The following PPP2R3A variants were observed in gnomAD, a reference collection of about 807,000 sequenced individuals.
The protein encoded by PPP2R3A is protein phosphatase 2 regulatory subunit B''alpha, also known as serine/threonine-protein phosphatase 2A regulatory subunit B'' subunit alpha.
In PPP2R3A, 80 loss-of-function variants were observed where a neutral mutation model predicts 106.9. That is an observed-to-expected ratio of 0.75 (90% CI 0.62 to 0.90). PPP2R3A has a LOEUF of 0.90. PPP2R3A is among the 40% of genes least tolerant of loss of function. The pLI is 0.00. For missense variants in PPP2R3A, 1,386 were observed against 1,350.4 expected, an observed-to-expected ratio of 1.03 and a Z score of -0.41; for synonymous variants, 483 against 468.3, an observed-to-expected ratio of 1.03 and a Z score of -0.41.
At chr3:135,998,889 T>C (rs1325276544) in intron 1 of PPP2R3A, among the ~76,000 whole-genome samples, 1 of 152,230 alleles carries the variant, frequency 6.6e-6, no homozygotes, top group Non-Finnish European at 1.5e-5. Context: ...TATAAATTTT[T>C]GTAAGAGAAA....
intron 1 of PPP2R3A, among the ~76,000 whole-genome samples, chr3:135,998,739 A>C (rs1186844062): frequency 6.6e-6 from 1 of 152,212 alleles, no homozygotes; most frequent in South Asian, 2.1e-4. Context: ...TTCAGCAATA[A>C]CAAATGGCTA....
At chr3:135,985,074 T>C (rs1937588932) in intron 1 of PPP2R3A, among the ~76,000 whole-genome samples, 1 of 152,156 alleles carries the variant, frequency 6.6e-6, no homozygotes, top group Admixed American at 6.5e-5. Context: ...AGCTACAATA[T>C]GAGATTTGGG....
intron 13 of PPP2R3A, among the ~76,000 whole-genome samples, chr3:136,110,148 C>T (rs543338207): frequency 2.0e-5 from 3 of 152,168 alleles, no homozygotes; most frequent in Non-Finnish European, 4.4e-5. Context: ...ACAACCCCAC[C>T]GCCCCTTCCT....
At chr3:135,981,228 C>T (rs974907571) in intron 1 of PPP2R3A, among the ~76,000 whole-genome samples, 2 of 151,636 alleles carry the variant, frequency 1.3e-5, no homozygotes, top group Non-Finnish European at 2.9e-5. Flanking sequence ...ATCTTGTTGG[C>T]GGTGTTTCTT....
intron 1 of PPP2R3A, among the ~76,000 whole-genome samples, chr3:135,980,705 A>G (rs1047934279): frequency 1.3e-5 from 2 of 151,916 alleles, no homozygotes; most frequent in Non-Finnish European, 2.9e-5. Flanking sequence ...GTTTCCCTTA[A>G]GAGCCAGTTG....
rs78095885 is a variant in PPP2R3A, at chr3:136,102,194, C to T, written c.3103+12C>T. 6.2e-7 allele frequency: 1 copy of T among 1,612,078 alleles called. No homozygotes were observed. The highest frequency in any genetic ancestry group is 8.5e-7 in the Non-Finnish European group (1 of 1,179,624). ...GCCAGCTGTTGATGGTGAGACCAAGCAATGGGACAGATGCACTGTTCACCT... is the reference window on the plus strand; with the variant it reads ...GCCAGCTGTTGATGGTGAGACCAAGTAATGGGACAGATGCACTGTTCACCT... On this transcript the variant is annotated intron_variant, in intron 11 of 13. Coordinates refer to ENST00000264977, the MANE Select transcript of PPP2R3A (RefSeq NM_002718.5).
At chr3:136,082,930 A>G (rs904992793) in intron 8 of PPP2R3A, among the ~76,000 whole-genome samples, 3 of 152,260 alleles carry the variant, frequency 2.0e-5, no homozygotes, top group African/African-American at 7.2e-5. Flanking sequence ...TTTGTCAGAA[A>G]ACAAAAAATT....
intron 1 of PPP2R3A, among the ~76,000 whole-genome samples, chr3:135,973,612 A>G (rs1393122983): frequency 1.3e-5 from 2 of 152,200 alleles, no homozygotes; most frequent in Non-Finnish European, 2.9e-5. Flanking sequence ...AGGAATGTCT[A>G]TTCTAGGTGT....
At chr3:136,110,081 T>G (rs934908800) in intron 13 of PPP2R3A, among the ~76,000 whole-genome samples, 1 of 151,964 alleles carries the variant, frequency 6.6e-6, no homozygotes, top group Non-Finnish European at 1.5e-5. Context: ...CAGCAACATA[T>G]CACATCCCAT....
chr3:136,070,003 A>G (rs1936376398), intron 5 of PPP2R3A, among the ~76,000 whole-genome samples: 1 of 152,240 alleles, frequency 6.6e-6, no homozygotes, highest in Admixed American at 6.5e-5. Flanking sequence ...CAGCTTAACA[A>G]AGATTCAAAC....
intron 13 of PPP2R3A, among the ~76,000 whole-genome samples, chr3:136,111,140 G>A (rs1175846601): frequency 6.6e-6 from 1 of 152,080 alleles, no homozygotes; most frequent in Non-Finnish European, 1.5e-5. Context: ...GGAAACAGTG[G>A]GAGGAAAGAA....
intron 4 of PPP2R3A, among the ~76,000 whole-genome samples, chr3:136,048,158 A>G (rs1169634168): frequency 6.6e-6 from 1 of 152,220 alleles, no homozygotes; most frequent in African/African-American, 2.4e-5. Flanking sequence ...AACAGCCATG[A>G]CAGAAATAAT....
At chr3:136,079,443 C>G (rs1209799417) in intron 7 of PPP2R3A, among the ~76,000 whole-genome samples, 2 of 143,834 alleles carry the variant, frequency 1.4e-5, no homozygotes, top group Admixed American at 7.1e-5. Context: ...GAGTCTTGCT[C>G]TCTTGCCCAG....
intron 2 of PPP2R3A, among the ~76,000 whole-genome samples, chr3:136,006,954 A>G (rs1933866902): frequency 6.6e-6 from 1 of 152,196 alleles, no homozygotes; most frequent in South Asian, 2.1e-4. Context: ...TAGAATCCAC[A>G]CCAATAAGGG....
At chr3:136,104,099 C>A (rs1041286538) in intron 12 of PPP2R3A, among the ~76,000 whole-genome samples, 3 of 152,144 alleles carry the variant, frequency 2.0e-5, no homozygotes, top group African/African-American at 7.2e-5. Context: ...TTTTCTTCTG[C>A]ATGTTCCATA....
chr3:135,985,348 T>TCC (rs1469348332), intron 1 of PPP2R3A, among the ~76,000 whole-genome samples: 2 of 144,704 alleles, frequency 1.4e-5, no homozygotes, highest in African/African-American at 5.1e-5. Flanking sequence ...TCTCTCTCTC[T>TCC]CCCCGCCCTC....
intron 10 of PPP2R3A, among the ~76,000 whole-genome samples, chr3:136,101,402 T>TTTTG (rs1381388758): frequency 1.3e-5 from 2 of 151,944 alleles, no homozygotes; most frequent in African/African-American, 4.8e-5. Flanking sequence ...GAAATCTACT[T>TTTTG]TTTGTTTGGT....
Position 136,002,457 on chromosome 3 carries a change from C to G in PPP2R3A, c.959C>G (p.Thr320Ser). ...LISNMPSLQL[T>S]PFSPVFGTEQ... ...AGTAATATGCCTAGCTTACAACTGA[C>G]TCCCTTCTCCCCAGTGTTTGGCACT... is the stretch of plus-strand genomic sequence containing the variant. The change falls in exon 2 of 14, where the codon ACT (threonine) becomes AGT (serine). Residue 320 changes from threonine (T) to serine (S), a missense_variant. Coordinates refer to ENST00000264977, the MANE Select transcript of PPP2R3A (RefSeq NM_002718.5). 6.2e-7 allele frequency: 1 copy of G among 1,614,002 alleles called. No individual in the cohort carries two copies. The highest frequency in any genetic ancestry group is 8.5e-7 in the Non-Finnish European group (1 of 1,179,892).
intron 5 of PPP2R3A, among the ~76,000 whole-genome samples, chr3:136,051,155 T>C (rs948081933): frequency 2.6e-5 from 4 of 152,234 alleles, no homozygotes; most frequent in African/African-American, 9.6e-5. Flanking sequence ...TCTAAGCAGA[T>C]CACAAATTCT....
Sources: allele counts gnomAD v4.1 joint callset (sites outside exome capture counted in the v4.1 genomes callset), GRCh38; gene constraint gnomAD v4.1.1; transcripts MANE v1.5; gene names NCBI Gene and HGNC (gene_info 2026-07-23, HGNC 2026-07-21).